Variants in GRK3 observed in about 807,000 individuals in gnomAD.
The protein encoded by GRK3 is G protein-coupled receptor kinase 3.
Under a neutral mutation model 95.7 loss-of-function variants are expected in GRK3, and 54 were observed. The ratio of observed to expected loss-of-function variants is 0.56; its 90% CI spans 0.45 to 0.71. The LOEUF is 0.71. GRK3 is among the 30% of genes least tolerant of loss of function. GRK3 has a pLI of 0.00. For synonymous variants in GRK3, 281 were observed against 290.8 expected (o/e 0.97, Z 0.34); for missense variants, 649 against 851.2 (o/e 0.76, Z 2.96).
chr22:25,725,287 G>A lies in GRK3; in HGVS notation c.*2837G>A, dbSNP rs2085465069. On this transcript the variant is annotated 3_prime_UTR_variant, in exon 21 of 21. Transcript: ENST00000324198. Reference sequence around the variant, plus strand: ...GTGGTTGGGATATTTTAACATTGATGAGAAAAATAATTGAGGTTGATATTT... The same window carrying A: ...GTGGTTGGGATATTTTAACATTGATAAGAAAAATAATTGAGGTTGATATTT... The A allele has an allele frequency of 3.0e-6, 1 of 336,746 alleles. No individual in the cohort carries two copies. Among genetic ancestry groups the A allele is most frequent in the African/African-American group, 2.1e-5 (1 of 47,368 alleles). 20.9% of individuals were successfully genotyped at this position (336,746 alleles called of 1,614,324 possible).
At chr22:25,627,877 G>A (rs1305096973) in intron 2 of GRK3, among the ~76,000 whole-genome samples, 1 of 152,196 alleles carries the variant, frequency 6.6e-6, no homozygotes, top group South Asian at 2.1e-4. Flanking sequence ...GCCAGGAACA[G>A]ACACACAGAT....
Position 25,697,142 on chromosome 22 carries a change from T to C in GRK3, c.1160+1928T>C, listed in dbSNP as rs1008191484. On this transcript the variant is annotated intron_variant, in intron 13 of 20. Transcript: ENST00000324198. ...AACTGTTGAATGTAAAAATCAGCAGTAAAATCTGACAATCCCAGAAGCCTT... is the reference window on the plus strand; with the variant it reads ...AACTGTTGAATGTAAAAATCAGCAGCAAAATCTGACAATCCCAGAAGCCTT... Among the ~76,000 whole-genome samples, 54 of 152,364 alleles carry C rather than the reference T, an allele frequency of 3.5e-4. No homozygotes were observed. In the Middle Eastern group the frequency reaches 0.014, roughly 38 times the overall value.
chr22:25,565,010 A>T lies in GRK3; in HGVS notation c.-31A>T. ...GCGCGTCCCGTCCAGGTCCGGAGTA[A>T]CCGCCGCCGCCGCCGCCAAAGCTCG... On this transcript the variant is annotated 5_prime_UTR_variant, in exon 1 of 21. Transcript: ENST00000324198. The T allele has an allele frequency of 1.6e-6, 2 of 1,212,854 alleles. No individual in the cohort carries two copies. The highest frequency in any genetic ancestry group is 2.2e-6 in the Non-Finnish European group (2 of 904,940). The allele number at this position is 1,212,854 out of a possible 1,614,324, so 75.1% of individuals were successfully genotyped here.
chr22:25,593,837 C>A (rs1786711468), intron 1 of GRK3, among the ~76,000 whole-genome samples: 1 of 152,106 alleles, frequency 6.6e-6, no homozygotes, highest in Non-Finnish European at 1.5e-5. Flanking sequence ...AGCCAGCTAT[C>A]CCAGCACCAT....
At chr22:25,711,040 CTG>C in intron 16 of GRK3, 26 bp from the exon 17 acceptor site, 1 of 1,482,748 alleles carries the variant, frequency 6.7e-7, no homozygotes, top group Non-Finnish European at 9.4e-7. Flanking sequence ...CATCTGAAAA[CTG>C]TACCATGCTT....
In GRK3 at chr22:25,609,311, C is replaced by T. The variant is rs1438909439; in HGVS notation, c.190+4858C>T. Among the ~76,000 whole-genome samples, 4 of 151,830 alleles carry T rather than the reference C, an allele frequency of 2.6e-5. No individual in the cohort carries two copies. In the South Asian group the frequency reaches 6.2e-4, roughly 24 times the overall value. The stretch of plus-strand genomic sequence containing the variant: ...TCCTGTTAGAGGAGCATGTTTGAAA[C>T]TATAAGAAGACTCCAAAACAGATCC... On this transcript the variant is annotated intron_variant, in intron 2 of 20. Transcript: ENST00000324198.
chr22:25,634,848 C>G (rs1490004090), intron 2 of GRK3, among the ~76,000 whole-genome samples: 1 of 152,122 alleles, frequency 6.6e-6, no homozygotes, highest in East Asian at 1.9e-4. Flanking sequence ...TTTTCTCTAG[C>G]CTTTTTGCCA....
chr22:25,571,855 C>CTT (rs377288429), intron 1 of GRK3, among the ~76,000 whole-genome samples: 2 of 150,110 alleles, frequency 1.3e-5, no homozygotes, highest in Non-Finnish European at 3.0e-5. Context: ...CTTACTCACA[C>CTT]TTTTTTTTTT....
intron 2 of GRK3, among the ~76,000 whole-genome samples, chr22:25,628,760 G>T (rs573765404): frequency 6.6e-6 from 1 of 152,324 alleles, no homozygotes; most frequent in East Asian, 1.9e-4. Flanking sequence ...GTTGTCACAA[G>T]CCTGTAACAT....
chr22:25,677,262 G>A (rs1049177466), intron 8 of GRK3, among the ~76,000 whole-genome samples: 1 of 151,294 alleles, frequency 6.6e-6, no homozygotes, highest in Non-Finnish European at 1.5e-5. Context: ...CTATGCTCCA[G>A]CTACTCTGGA....
At chr22:25,667,910 C>T (rs2084953257) in intron 6 of GRK3, 110 bp downstream of exon 6, 4 of 658,064 alleles carry the variant, frequency 6.1e-6, no homozygotes, top group Middle Eastern at 3.9e-4. Context: ...AGCAAGTATT[C>T]ACTGACCATG....
intron 1 of GRK3, among the ~76,000 whole-genome samples, chr22:25,595,907 A>G (rs1056366571): frequency 2.0e-5 from 3 of 152,194 alleles, no homozygotes; most frequent in Admixed American, 6.5e-5. Context: ...TGATCACACC[A>G]CTGTACTCCA....
chr22:25,700,713 G>A (rs909121041), intron 13 of GRK3, among the ~76,000 whole-genome samples: 7 of 151,936 alleles, frequency 4.6e-5, no homozygotes, highest in African/African-American at 1.7e-4. Flanking sequence ...TCAGCCTCCC[G>A]AGTAGCTGGG....
intron 13 of GRK3, among the ~76,000 whole-genome samples, chr22:25,695,705 T>C (rs1331350968): frequency 6.6e-6 from 1 of 152,162 alleles, no homozygotes; most frequent in East Asian, 1.9e-4. Context: ...CTGGCTGCAG[T>C]GTAGTCACAC....
intron 9 of GRK3, among the ~76,000 whole-genome samples, chr22:25,680,170 T>C (rs1287349758): frequency 6.6e-6 from 1 of 152,238 alleles, no homozygotes; most frequent in African/African-American, 2.4e-5. Flanking sequence ...TGTAGCTAAG[T>C]TACAACAAAT....
intron 2 of GRK3, among the ~76,000 whole-genome samples, chr22:25,644,232 T>C (rs1303268991): frequency 6.6e-6 from 1 of 151,640 alleles, no homozygotes; most frequent in Non-Finnish European, 1.5e-5. Context: ...CACCAACACA[T>C]ACTGTCTGTA....
intron 9 of GRK3, 78 bp from the exon 10 acceptor site, chr22:25,685,092 G>A (rs2085102527): frequency 1.1e-6 from 1 of 879,866 alleles, no homozygotes; most frequent in African/African-American, 1.7e-5. Context: ...TTAAAAATAT[G>A]TAGCATGGTG....
At chr22:25,662,938 C>T (rs1051019107) in intron 4 of GRK3, among the ~76,000 whole-genome samples, 11 of 152,104 alleles carry the variant, frequency 7.2e-5, no homozygotes, top group Admixed American at 5.9e-4. Context: ...TAGTTCCCCT[C>T]GCTGTGGTTA....
chr22:25,576,990 A>G (rs554664277), intron 1 of GRK3, among the ~76,000 whole-genome samples: 8 of 152,312 alleles, frequency 5.3e-5, no homozygotes, highest in African/African-American at 1.7e-4. Flanking sequence ...ATTAATAATG[A>G]TGGCAGTGTT....
Sources: gnomAD v4.1 joint callset for allele counts (sites outside exome capture counted in the v4.1 genomes callset) on GRCh38, gnomAD v4.1.1 for gene constraint, MANE v1.5 for transcripts, NCBI Gene and HGNC (gene_info 2026-07-23, HGNC 2026-07-21) for gene names.